SQLE: variants seen among roughly 807,000 people sequenced by gnomAD.
SQLE encodes squalene epoxidase, also known as squalene monooxygenase.
Under a neutral mutation model 60.7 loss-of-function variants are expected in SQLE, and 29 were observed. That is an observed-to-expected ratio of 0.48 (90% confidence interval 0.36 to 0.65). The LOEUF (loss-of-function observed/expected upper bound fraction) is 0.65. Among genes scored for constraint, SQLE ranks in the 30% least tolerant of loss-of-function variants. The pLI, the probability that SQLE is intolerant of heterozygous loss-of-function variation, is 0.00. For synonymous variants in SQLE, 237 were observed against 246.8 expected (o/e 0.96, Z 0.37); for missense variants, 605 against 684.1 (o/e 0.88, Z 1.29).
chr8:125,000,591 G>C (rs1814828039), intron 1 of SQLE, among the ~76,000 whole-genome samples: 1 of 151,990 alleles, frequency 6.6e-6, no homozygotes, highest in Non-Finnish European at 1.5e-5. Flanking sequence ...GGGATTACAG[G>C]TGCACGCCAC....
chr8:125,014,148 G>T (rs1248237415), intron 7 of SQLE, among the ~76,000 whole-genome samples: 1 of 152,036 alleles, frequency 6.6e-6, no homozygotes, highest in Non-Finnish European at 1.5e-5. Flanking sequence ...AAAATGAAAG[G>T]TAATGAATAA....
chr8:125,011,482 C>T, intron 6 of SQLE, 55 bp from the exon 7 acceptor site: 3 of 1,388,576 alleles, frequency 2.2e-6, no homozygotes, highest in Non-Finnish European at 3.0e-6. Context: ...ATATGTGATA[C>T]TTTGAAATTG....
rs371166373 is a variant in SQLE, at chr8:125,009,192, A to G, written c.957A>G (p.Ala319=). ...FLMKNAPQFK[A]NHAELILANP... ...TTTAGAATGCACCACAGTTTAAAGC[A>G]AATCATGCTGAACTTATTTTAGCTA... The change falls in exon 6 of 11, where the codon GCA becomes GCG. Residue 319 remains alanine, a synonymous_variant. Coordinates refer to ENST00000265896, the MANE Select transcript of SQLE (RefSeq NM_003129.4). The G allele has an allele frequency of 1.7e-4, 281 of 1,609,426 alleles. No individual in the cohort carries two copies. The highest frequency in any genetic ancestry group is 2.2e-4 in the Non-Finnish European group (256 of 1,178,410).
Position 125,009,036 on chromosome 8 carries a change from C to T in SQLE, c.888C>T (p.Val296=), listed in dbSNP as rs771738694. The part of the protein sequence containing the change: ...GLFSKFRKSL[V]SNKVSVSSHF... ...TCTCCAAGTTCAGGAAAAGCCTGGT[C>T]TCCAATAAAGTTTCTGTATCATCTC... Residue 296 remains valine, a synonymous_variant, in exon 5 of 11, where the codon GTC becomes GTT. Coordinates refer to ENST00000265896, the MANE Select transcript of SQLE (RefSeq NM_003129.4). 1 of 1,603,612 alleles carries T rather than the reference C, an allele frequency of 6.2e-7. No homozygotes were observed. The highest frequency in any genetic ancestry group is 1.7e-5 in the Admixed American group (1 of 58,386).
rs753091806 is a variant in SQLE at position 125,003,301 on chromosome 8, A to G, written c.417A>G (p.Ala139=). 7.4e-6 allele frequency: 12 copies of G among 1,613,910 alleles called. No homozygotes were observed. Among genetic ancestry groups the G allele is most frequent in the Non-Finnish European group, 1.0e-5 (12 of 1,179,898 alleles). Reference sequence around the variant, plus strand: ...CTGGCGTGCTTGGCTCTGCTTTGGCAGCTGTGCTTTCCAGAGATGGAAGAA... The same window carrying G: ...CTGGCGTGCTTGGCTCTGCTTTGGCGGCTGTGCTTTCCAGAGATGGAAGAA... ...VGAGVLGSAL[A]AVLSRDGRKV... is the part of the protein sequence containing the mutation. Residue 139 remains alanine (A), a synonymous_variant, in exon 2 of 11, where the codon GCA becomes GCG. Transcript: ENST00000265896.
At chr8:125,007,632 T>C (rs1205334503) in intron 4 of SQLE, 145 bp downstream of exon 4, 1 of 517,994 alleles carries the variant, frequency 1.9e-6, no homozygotes, top group Non-Finnish European at 3.3e-6. Flanking sequence ...TTTCAGATTT[T>C]TTATTTTTTT....
chr8:125,018,738 A>G lies in SQLE; in HGVS notation c.1444+11A>G. 1 of 1,558,216 alleles carries G rather than the reference A, an allele frequency of 6.4e-7. No individual in the cohort carries two copies. Among genetic ancestry groups the G allele is most frequent in the East Asian group, 2.3e-5 (1 of 43,920 alleles). ...TTTCTGCCACAGATGGTAAGTGTAGACACTTTTTAGTGAATATTACTCAAT... is the reference window on the plus strand; with the variant it reads ...TTTCTGCCACAGATGGTAAGTGTAGGCACTTTTTAGTGAATATTACTCAAT... On this transcript the variant is annotated intron_variant, in intron 9 of 10. Transcript: ENST00000265896.
intron 2 of SQLE, among the ~76,000 whole-genome samples, chr8:125,004,843 A>G (rs937609347): frequency 6.6e-6 from 1 of 152,008 alleles, no homozygotes; most frequent in South Asian, 2.1e-4. Flanking sequence ...TTTCTATTGA[A>G]AGTTTTTTAT....
chr8:125,009,382 C>T, intron 6 of SQLE, 39 bp downstream of exon 6: 1 of 1,553,684 alleles, frequency 6.4e-7, no homozygotes, highest in Non-Finnish European at 8.7e-7. Flanking sequence ...AAGGCTGTGT[C>T]TAAAATAGGC....
intron 6 of SQLE, chr8:125,011,043 T>C (rs1192487269): frequency 6.6e-6 from 1 of 152,294 alleles, no homozygotes; most frequent in Non-Finnish European, 1.5e-5. Context: ...GATCAAACCA[T>C]TTCATTTTTA....
rs1041212738 is a variant in SQLE at position 125,005,594 on chromosome 8, A to G, written c.614A>G (p.Glu205Gly). ...ATTCATGATCAGGAAAGCAAATCAG[A>G]GGTTCAGATTCCTTACCCTCTGTCA... is the stretch of plus-strand genomic sequence containing the variant. ...YMIHDQESKS[E>G]VQIPYPLSEN... is the part of the protein sequence containing the mutation. The change falls in exon 3 of 11, where the codon GAG (glutamate) becomes GGG (glycine). Residue 205 changes from glutamate (E) to glycine (G), a missense_variant. Transcript: ENST00000265896. The G allele has an allele frequency of 8.1e-6, 13 of 1,612,090 alleles. No individual in the cohort carries two copies. The highest frequency in any genetic ancestry group is 2.7e-5 in the African/African-American group (2 of 74,872).
At chr8:125,006,426 C>A (rs1814947011) in intron 3 of SQLE, among the ~76,000 whole-genome samples, 1 of 151,882 alleles carries the variant, frequency 6.6e-6, no homozygotes, top group Non-Finnish European at 1.5e-5. Flanking sequence ...CAAAACCAGC[C>A]TGGCCAATAT....
Position 124,999,316 on chromosome 8 carries a change from C to T in SQLE, c.-88C>T, listed in dbSNP as rs2129863351. 7.4e-7 allele frequency: 1 copy of T among 1,349,596 alleles called. No individual in the cohort carries two copies. The allele number at this position is 1,349,596 out of a possible 1,614,324, so 83.6% of individuals were successfully genotyped here. A position where few individuals can be genotyped will look rare whatever the true frequency, so the allele number is the denominator to read the frequency against. On this transcript the variant is annotated 5_prime_UTR_variant, in exon 1 of 11. Transcript: ENST00000265896. The stretch of plus-strand genomic sequence containing the variant: ...AGTCTGGCCGGCTCTCCGTGCTCCT[C>T]TTGGTACCTCATTTTGGGGAGAACC...
In SQLE at chr8:125,000,263, G is replaced by A. The variant is rs1188145015; in HGVS notation, c.291+569G>A. On this transcript the variant is annotated intron_variant, in intron 1 of 10. Transcript: ENST00000265896. The stretch of plus-strand genomic sequence containing the variant: ...AAAGGCCAGGTCTTCAAATAAGGGT[G>A]TAGTTGGGATTCCTGCAAAGGGAGC... 2.6e-5 allele frequency among the ~76,000 whole-genome samples: 4 copies of A among 152,192 alleles called. No homozygotes were observed. In the East Asian group the frequency reaches 7.7e-4, roughly 29 times the overall value.
chr8:125,003,216 G>T lies in SQLE; in HGVS notation c.332G>T (p.Gly111Val). 1 of 1,613,510 alleles carries T rather than the reference G, an allele frequency of 6.2e-7. No homozygotes were observed. Among genetic ancestry groups the T allele is most frequent in the South Asian group, 1.1e-5 (1 of 91,034 alleles). The change falls in exon 2 of 11, where the codon GGA (glycine) becomes GTA (valine). Residue 111 changes from glycine to valine, a missense_variant. By Grantham distance (109) the Gly-to-Val change is moderately radical. Transcript: ENST00000265896. ...GTNISETSLI[G>V]TAACTSTSSQ... ...AATATTTCAGAAACAAGCTTAATAG[G>T]AACAGCTGCCTGTACATCAACATCT...
Position 125,016,047 on chromosome 8 carries a change from T to C in SQLE, c.1205-2012T>C, listed in dbSNP as rs1332846664. 6.6e-6 allele frequency among the ~76,000 whole-genome samples: 1 copy of C among 152,186 alleles called. No individual in the cohort carries two copies. Among genetic ancestry groups the C allele is most frequent in the African/African-American group, 2.4e-5 (1 of 41,442 alleles). On this transcript the variant is annotated intron_variant, in intron 7 of 10. Coordinates refer to ENST00000265896, the MANE Select transcript of SQLE (RefSeq NM_003129.4). This position sits in a 1 kb window ranked among gnomAD's most constrained non-coding sequence, Gnocchi z 4.1. The stretch of plus-strand genomic sequence containing the variant: ...TTCTATATCCTTGACCTTTGGGAGT[T>C]TGATTATTAAATGGCTTGAACTAGT...
rs1348073106 is a variant in SQLE at position 125,018,613 on chromosome 8, G to T, written c.1348-18G>T. On this transcript the variant is annotated intron_variant, in intron 8 of 10. Transcript: ENST00000265896. Reference sequence around the variant, plus strand: ...TTTTTATCCTTACCATATAATAAATGAGCTATTTCTTTTTTAGGCCAAAAA... The same window carrying T: ...TTTTTATCCTTACCATATAATAAATTAGCTATTTCTTTTTTAGGCCAAAAA... 2 of 1,532,380 alleles carry T rather than the reference G, an allele frequency of 1.3e-6. No homozygotes were observed. The highest frequency in any genetic ancestry group is 2.3e-5 in the East Asian group (1 of 44,196). 94.9% of individuals were successfully genotyped at this position (1,532,380 alleles called of 1,614,324 possible).
intron 9 of SQLE, 32 bp from the exon 10 acceptor site, chr8:125,020,752 A>G: frequency 7.4e-7 from 1 of 1,353,260 alleles, no homozygotes; most frequent in Non-Finnish European, 1.1e-6. Flanking sequence ...AAGTGTGTAC[A>G]CATATTTGAT....
At chr8:125,005,481 G>A in intron 2 of SQLE, 44 bp from the exon 3 acceptor site, 1 of 1,469,306 alleles carries the variant, frequency 6.8e-7, no homozygotes, top group Non-Finnish European at 9.1e-7. Flanking sequence ...TTAACGCTGG[G>A]TGTGTTAACA....
Sources: allele counts gnomAD v4.1 joint callset (sites outside exome capture counted in the v4.1 genomes callset), GRCh38; gene constraint gnomAD v4.1.1; non-coding constraint Gnocchi (gnomAD v3.1); transcripts MANE v1.5; gene names NCBI Gene and HGNC (gene_info 2026-07-23, HGNC 2026-07-21).